Variants in SRRM2 observed in about 807,000 individuals in gnomAD.
SRRM2 encodes serine/arginine repetitive matrix 2.
In SRRM2, 30 loss-of-function variants were observed where a neutral mutation model predicts 213.8. That is an observed-to-expected ratio of 0.14 (90% CI 0.10 to 0.19). SRRM2 has a LOEUF of 0.19. Ranked by LOEUF, SRRM2 falls within the 10% of genes least tolerant of loss-of-function variation. The pLI is 1.00. For missense variants in SRRM2, 4,904 were observed against 3,647.0 expected (o/e 1.34, Z -8.88); for synonymous variants, 2,025 against 1,377.7 (o/e 1.47, Z -10.40).
At chr16:2,769,345 G>A (rs1361931779) in intron 12 of SRRM2, 61 bp downstream of exon 12, 2 of 1,511,368 alleles carry the variant, frequency 1.3e-6, no homozygotes, top group Non-Finnish European at 1.8e-6. Flanking sequence ...CAGAGAAGGG[G>A]CCCTGGGGTG....
At position 2,770,412 on chromosome 16, in the gene SRRM2, G is replaced by T; in HGVS notation, c.8082G>T (p.Ser2694=). The T allele has an allele frequency of 1.9e-6, 3 of 1,611,070 alleles. No individual in the cohort carries two copies. The highest frequency in any genetic ancestry group is 2.5e-6 in the Non-Finnish European group (3 of 1,178,794). ...GGGACTCTCGGTCCCTCAGCTACTC[G>T]CCTGTGGAGCGTCGCCGTCCCTCGC... ...SLRDSRSLSY[S]PVERRRPSPQ... is the part of the protein sequence containing the mutation. Residue 2694 remains serine (S), a synonymous_variant, in exon 13 of 15, where the codon TCG becomes TCT. Transcript: ENST00000301740.
At position 2,762,920 on chromosome 16, in the gene SRRM2, C is replaced by A. The variant is rs111652485; in HGVS notation, c.2392C>A (p.Arg798Ser). Residue 798 changes from arginine (R) to serine (S), a missense_variant, in exon 11 of 15, where the codon CGC (arginine) becomes AGC (serine). By Grantham distance (110) the Arg-to-Ser change is moderately radical (BLOSUM62 -1). Coordinates refer to ENST00000301740, the MANE Select transcript of SRRM2 (RefSeq NM_016333.4). ...GTCACAGACACCACCCAGGCGCAGT[C>A]GCTCTGGATCCTCCCAACCTAAAGC... is the stretch of plus-strand genomic sequence containing the variant. The part of the protein sequence containing the change: ...QKSQTPPRRS[R>S]SGSSQPKAKS... The A allele has an allele frequency of 6.2e-7, 1 of 1,610,048 alleles. No homozygotes were observed. Among genetic ancestry groups the A allele is most frequent in the Non-Finnish European group, 8.5e-7 (1 of 1,176,492 alleles).
Position 2,763,977 on chromosome 16 carries a change from C to T in SRRM2, c.3449C>T (p.Ser1150Leu), listed in dbSNP as rs201863537. The change falls in exon 11 of 15, where the codon TCG (serine) becomes TTG (leucine). Residue 1150 changes from serine to leucine, a missense_variant. Coordinates refer to ENST00000301740, the MANE Select transcript of SRRM2 (RefSeq NM_016333.4). ...SDSSSYPTVD[S>L]NSLLGQSRLE... is the part of the protein sequence containing the mutation. ...TCTTCTTCATATCCTACAGTGGACT[C>T]GAATTCTCTCTTGGGGCAGAGTAGA... The T allele has an allele frequency of 2.5e-5, 41 of 1,614,178 alleles. No homozygotes were observed. The highest frequency in any genetic ancestry group is 2.7e-5 in the African/African-American group (2 of 75,034).
Position 2,770,199 on chromosome 16 carries a change from C to T in SRRM2, c.8022-153C>T, listed in dbSNP as rs2068692237. ...CACTGGGCACTCGGTGGATGGTGTG[C>T]GGGCGGATGGGTGAGTGAGCGGACA... On this transcript the variant is annotated intron_variant, in intron 12 of 14. Coordinates refer to ENST00000301740, the MANE Select transcript of SRRM2 (RefSeq NM_016333.4). 40 of 1,447,510 alleles carry T rather than the reference C, an allele frequency of 2.8e-5. No homozygotes were observed. In the South Asian group the frequency reaches 3.9e-4, roughly 14 times the overall value. The allele number at this position is 1,447,510 out of a possible 1,614,324, so 89.7% of individuals were successfully genotyped here.
Position 2,763,434 on chromosome 16 carries a change from A to G in SRRM2, c.2906A>G (p.His969Arg), listed in dbSNP as rs770689159. The change falls in exon 11 of 15, where the codon CAT (histidine) becomes CGT (arginine). Residue 969 changes from histidine (H) to arginine (R), a missense_variant. By Grantham distance (29) the His-to-Arg change is conservative. Coordinates refer to ENST00000301740, the MANE Select transcript of SRRM2 (RefSeq NM_016333.4). ...TCCAGATTGTTGCCAAGATACAGTC[A>G]TTCTGGGTCCTCCTCACCAGATACC... ...VESRLLPRYSHSGSSSPDTKV... is the reference protein window; with the variant it reads ...VESRLLPRYSRSGSSSPDTKV... 1.2e-6 allele frequency: 2 copies of G among 1,614,256 alleles called. No individual in the cohort carries two copies. The highest frequency in any genetic ancestry group is 1.7e-6 in the Non-Finnish European group (2 of 1,180,042).
intron 12 of SRRM2, chr16:2,770,027 GTCCCCC>G: frequency 1.3e-6 from 1 of 742,320 alleles, no homozygotes; most frequent in Non-Finnish European, 2.0e-6. Flanking sequence ...CTTGCCCCAT[GTCCCCC>G]TCCCTTGGGT....
chr16:2,757,405 G>A, intron 2 of SRRM2, 67 bp from the exon 3 acceptor site: 1 of 1,486,642 alleles, frequency 6.7e-7, no homozygotes, highest in Non-Finnish European at 9.3e-7. Flanking sequence ...GGGAATGAGG[G>A]AAATGGAAAC....
intron 2 of SRRM2, among the ~76,000 whole-genome samples, 166 bp downstream of exon 2, chr16:2,756,772 G>A (rs2068156714): frequency 6.6e-6 from 1 of 152,146 alleles, no homozygotes. Context: ...AAGGGACAGT[G>A]CAGAGTGGGA....
intron 10 of SRRM2, 64 bp downstream of exon 10, chr16:2,760,563 A>T: frequency 6.4e-7 from 1 of 1,561,174 alleles, no homozygotes; most frequent in Non-Finnish European, 8.8e-7. Flanking sequence ...TAGACATGTG[A>T]TGTGAAAGGG....
chr16:2,762,028 T>C lies in SRRM2; in HGVS notation c.1500T>C (p.Pro500=). The C allele has an allele frequency of 6.2e-7, 1 of 1,614,182 alleles. No homozygotes were observed. Among genetic ancestry groups the C allele is most frequent in the African/African-American group, 1.3e-5 (1 of 75,042 alleles). The change falls in exon 11 of 15, where the codon CCT becomes CCC. Residue 500 remains proline, a synonymous_variant. Transcript: ENST00000301740. ...GAGGGCGATCTCGGTCTCGAACCCC[T>C]ACCAAGAGAGGTCATTCTCGATCCC... ...AKRGRSRSRT[P]TKRGHSRSRS...
intron 10 of SRRM2, 122 bp downstream of exon 10, chr16:2,760,621 A>G (rs1405351906): frequency 1.7e-6 from 2 of 1,170,612 alleles, no homozygotes; most frequent in East Asian, 5.2e-5. Flanking sequence ...TTTTTCCTGC[A>G]TTTCTCTCCT....
At position 2,762,841 on chromosome 16, in the gene SRRM2, T is replaced by A. The variant is rs775442864; in HGVS notation, c.2313T>A (p.Ser771=). The A allele has an allele frequency of 1.9e-6, 3 of 1,614,138 alleles. No homozygotes were observed. Among genetic ancestry groups the A allele is most frequent in the Non-Finnish European group, 2.5e-6 (3 of 1,180,024 alleles). Residue 771 remains serine (S), a synonymous_variant, in exon 11 of 15, where the codon TCT becomes TCA. Transcript: ENST00000301740. Reference sequence around the variant, plus strand: ...CTTCACCACGGTCCAAAGCAAAATCTCGCTTGTCTTTGAGGCGCAGCCTTT... The same window carrying A: ...CTTCACCACGGTCCAAAGCAAAATCACGCTTGTCTTTGAGGCGCAGCCTTT... ...SLSSPRSKAK[S]RLSLRRSLSG... is the part of the protein sequence containing the mutation.
rs903794806 is a variant in SRRM2 at position 2,765,205 on chromosome 16, A to C, written c.4677A>C (p.Ser1559=). Residue 1559 remains serine, a synonymous_variant, in exon 11 of 15, where the codon TCA becomes TCC. Transcript: ENST00000301740. ...CATCCCCTCAGGAAAGAAGTGAGTC[A>C]GACTCTTCTCCAGATTCTAAAGCCA... The part of the protein sequence containing the change: ...PSASPQERSE[S]DSSPDSKAKT... 6.2e-7 allele frequency: 1 copy of C among 1,614,084 alleles called. No individual in the cohort carries two copies. The highest frequency in any genetic ancestry group is 1.7e-5 in the Admixed American group (1 of 60,012).
At position 2,766,659 on chromosome 16, in the gene SRRM2, G is replaced by A. The variant is rs772746081; in HGVS notation, c.6131G>A (p.Ser2044Asn). Reference sequence around the variant, plus strand: ...CTGTTACCACGCAAACGTTCTCGAAGTCGCTCACCACTTGCTATCCGCCGC... The same window carrying A: ...CTGTTACCACGCAAACGTTCTCGAAATCGCTCACCACTTGCTATCCGCCGC... Reference protein sequence around the residue: ...TPLLPRKRSRSRSPLAIRRRS... With the variant: ...TPLLPRKRSRNRSPLAIRRRS... Residue 2044 changes from serine (S) to asparagine (N), a missense_variant, in exon 11 of 15, where the codon AGT becomes AAT. Ser to Asn is a conservative substitution (Grantham distance 46). Transcript: ENST00000301740. This position sits in a 1 kb window ranked among gnomAD's most constrained non-coding sequence, Gnocchi z 7.0. The A allele has an allele frequency of 6.2e-7, 1 of 1,613,550 alleles. No individual in the cohort carries two copies. The highest frequency in any genetic ancestry group is 1.7e-5 in the Admixed American group (1 of 59,946).
At chr16:2,760,540 T>A in intron 10 of SRRM2, 41 bp downstream of exon 10, 1 of 1,604,388 alleles carries the variant, frequency 6.2e-7, no homozygotes, top group Non-Finnish European at 8.5e-7. Context: ...ATTGCAAATG[T>A]ATAGATTTAG....
rs760790909 is a variant in SRRM2, at chr16:2,765,727, G to T, written c.5199G>T (p.Pro1733=). ...GGAGAAGTCCCTCAGTGTCTTCCCC[G>T]GAGCCAGCCGAAAAATCGAGGTCTT... is the stretch of plus-strand genomic sequence containing the variant. ...RHRRSPSVSS[P]EPAEKSRSSR... Residue 1733 remains proline (P), a synonymous_variant, in exon 11 of 15, where the codon CCG becomes CCT. Coordinates refer to ENST00000301740, the MANE Select transcript of SRRM2 (RefSeq NM_016333.4). 3.2e-5 allele frequency: 52 copies of T among 1,613,954 alleles called. No individual in the cohort carries two copies. The highest frequency in any genetic ancestry group is 4.2e-5 in the Non-Finnish European group (50 of 1,180,034).
At chr16:2,755,137 G>C (rs992170272) in intron 1 of SRRM2, among the ~76,000 whole-genome samples, 1 of 152,196 alleles carries the variant, frequency 6.6e-6, no homozygotes, top group African/African-American at 2.4e-5. Flanking sequence ...GAGAGGATGA[G>C]GGTGAGAAAG....
chr16:2,761,850 C>T lies in SRRM2; in HGVS notation c.1322C>T (p.Pro441Leu), dbSNP rs753020387. 1.2e-6 allele frequency: 2 copies of T among 1,613,210 alleles called. No homozygotes were observed. Among genetic ancestry groups the T allele is most frequent in the Admixed American group, 3.3e-5 (2 of 60,018 alleles). ...SRHASSSPES[P>L]KPAPAPGSHR... is the part of the protein sequence containing the mutation. ...CATGCCAGCTCTTCCCCAGAAAGTC[C>T]TAAACCTGCTCCAGCTCCAGGGTCC... Residue 441 changes from proline (P) to leucine (L), a missense_variant, in exon 11 of 15, where the codon CCT becomes CTT. By Grantham distance (98) the Pro-to-Leu change is moderately conservative (BLOSUM62 -3). Transcript: ENST00000301740.
rs774396603 is a variant in SRRM2 at position 2,764,657 on chromosome 16, A to G, written c.4129A>G (p.Arg1377Gly). Residue 1377 changes from arginine to glycine, a missense_variant, in exon 11 of 15, where the codon AGA becomes GGA. By Grantham distance (125) the Arg-to-Gly change is moderately radical. Transcript: ENST00000301740. ...TCTAGACATGAAAGAACAATCGACA[A>G]GATCCTCTGGACACAGCAGTTCTGA... ...PSLDMKEQST[R>G]SSGHSSSELS... is the part of the protein sequence containing the mutation. The G allele has an allele frequency of 4.0e-5, 64 of 1,614,056 alleles. No individual in the cohort carries two copies. The highest frequency in any genetic ancestry group is 1.1e-4 in the East Asian group (5 of 44,904).
Sources: allele counts gnomAD v4.1 joint callset (sites outside exome capture counted in the v4.1 genomes callset), GRCh38; gene constraint gnomAD v4.1.1; non-coding constraint Gnocchi (gnomAD v3.1); transcripts MANE v1.5; gene names NCBI Gene and HGNC (gene_info 2026-07-23, HGNC 2026-07-21).